Variants in SPART observed in about 807,000 individuals in gnomAD.
The protein encoded by SPART is spartin.
SPART carries 35 observed loss-of-function variants against 58.7 expected under a neutral mutation model. That is an observed-to-expected ratio of 0.60 (90% CI 0.46 to 0.79). The LOEUF (loss-of-function observed/expected upper bound fraction) is 0.79. SPART is among the 30% of genes least tolerant of loss of function. The probability of loss-of-function intolerance (pLI) is 0.00; values close to 1 mark genes in which losing one functional copy is unlikely to be tolerated. For missense variants in SPART, 730 were observed against 786.1 expected, an observed-to-expected ratio of 0.93 and a Z score of 0.85; for synonymous variants, 284 against 280.7, an observed-to-expected ratio of 1.01 and a Z score of -0.12.
upstream of SPART, among the ~76,000 whole-genome samples, chr13:36,351,310 G>GAA (rs35745992): frequency 3.3e-4 from 45 of 135,236 alleles, no homozygotes; most frequent in East Asian, 3.3e-3. Context: ...CTCTAATTTT[G>GAA]AAAAAAAAAA....
intron 5 of SPART, among the ~76,000 whole-genome samples, chr13:36,315,741 A>G (rs1881627879): frequency 6.6e-6 from 1 of 152,206 alleles, no homozygotes; most frequent in African/African-American, 2.4e-5. Context: ...AGATTAACTT[A>G]TAGGTTGAAA....
chr13:36,314,048 T>A, intron 6 of SPART, 179 bp downstream of exon 6: 1 of 637,062 alleles, frequency 1.6e-6, no homozygotes, highest in South Asian at 2.0e-5. Flanking sequence ...GGATTCCAGA[T>A]AGGACGATGT....
At chr13:36,330,314 C>G (rs917912648) in intron 3 of SPART, among the ~76,000 whole-genome samples, 1 of 152,178 alleles carries the variant, frequency 6.6e-6, no homozygotes, top group African/African-American at 2.4e-5. Flanking sequence ...AGGCTACACA[C>G]TTCTGTATGC....
intron 5 of SPART, among the ~76,000 whole-genome samples, chr13:36,322,277 T>C (rs1882490216): frequency 6.7e-6 from 1 of 148,360 alleles, no homozygotes. Context: ...TGAAACTTTG[T>C]GTTTACTAAA....
rs563603039 is a variant in SPART at position 36,331,253 on chromosome 13, G to C, written c.1008+146C>G. 18 of 745,436 alleles carry C rather than the reference G, an allele frequency of 2.4e-5. No individual in the cohort carries two copies. The African/African-American group carries it at 2.9e-4, about 12-fold the overall frequency. 46.2% of individuals were successfully genotyped at this position (745,436 alleles called of 1,614,324 possible). A position where few individuals can be genotyped will look rare whatever the true frequency, so the allele number is the denominator to read the frequency against. ...TAACCACTATTACAGCAAATTCCAA[G>C]CATGTAGTTGTGAACACACAAACAA... On this transcript the variant is annotated intron_variant, in intron 3 of 8. Transcript: ENST00000438666.
intron 2 of SPART, among the ~76,000 whole-genome samples, chr13:36,332,314 T>C (rs1290443397): frequency 6.6e-6 from 1 of 152,052 alleles, no homozygotes; most frequent in Non-Finnish European, 1.5e-5. Flanking sequence ...CTGGACAACA[T>C]GGTGAAACCC....
intron 1 of SPART, among the ~76,000 whole-genome samples, chr13:36,337,704 A>G (rs559903698): frequency 6.6e-6 from 1 of 152,290 alleles, no homozygotes; most frequent in South Asian, 2.1e-4. Flanking sequence ...ACGGACTAAT[A>G]CAGTAGCCAT....
Position 36,312,479 on chromosome 13 carries a change from TA to T in SPART, c.1484-3del. On this transcript the variant is annotated splice_polypyrimidine_tract_variant and splice_region_variant and intron_variant, in intron 6 of 8. Transcript: ENST00000438666. ...TTGCTACAGTGCAAACTCCATCAACTAATATGACCATAAAAAAAGAAAACTT... is the reference window on the plus strand; with the variant it reads ...TTGCTACAGTGCAAACTCCATCAACTATATGACCATAAAAAAAGAAAACTT... 1 of 1,614,008 alleles carries T rather than the reference TA, an allele frequency of 6.2e-7. No homozygotes were observed. Among genetic ancestry groups the T allele is most frequent in the East Asian group, 2.2e-5 (1 of 44,876 alleles).
chr13:36,365,401 T>C, intron 1 of SPART: 1 of 329,160 alleles, frequency 3.0e-6, no homozygotes, highest in Non-Finnish European at 5.8e-6. Flanking sequence ...AAAATTGGGA[T>C]ATGTTACTAT....
chr13:36,324,970 G>A (rs773802651), intron 5 of SPART, among the ~76,000 whole-genome samples: 2 of 152,120 alleles, frequency 1.3e-5, no homozygotes, highest in South Asian at 2.1e-4. Context: ...TTAAGGCAAG[G>A]ACCAGCCATT....
rs1421953827 is a variant in SPART, at chr13:36,314,253, C to T, written c.1457G>A (p.Gly486Glu). 6.2e-7 allele frequency: 1 copy of T among 1,614,046 alleles called. No individual in the cohort carries two copies. The highest frequency in any genetic ancestry group is 1.1e-5 in the South Asian group (1 of 91,072). The change falls in exon 6 of 9, where the codon GGA (glycine) becomes GAA (glutamate). Residue 486 changes from glycine (G) to glutamate (E), a missense_variant. By Grantham distance (98) the Gly-to-Glu change is moderately conservative. Transcript: ENST00000438666. Reference sequence around the variant, plus strand: ...CAGGAACTGACTGACTTTTGCTGCTCCTCCTGTAGCTTGCTTCGCTATATA... The same window carrying T: ...CAGGAACTGACTGACTTTTGCTGCTTCTCCTGTAGCTTGCTTCGCTATATA... The part of the protein sequence containing the change: ...GLYIAKQATG[G>E]AAKVSQFLVD...
At chr13:36,365,046 G>T (rs1303272657) in intron 1 of SPART, among the ~76,000 whole-genome samples, 1 of 152,142 alleles carries the variant, frequency 6.6e-6, no homozygotes, top group Non-Finnish European at 1.5e-5. Context: ...GACACTGGAG[G>T]TTGCATGATG....
rs367826621 is a variant in SPART at position 36,303,596 on chromosome 13, A to G, written c.*769T>C. 1.1e-4 allele frequency: 16 copies of G among 152,208 alleles called. No individual in the cohort carries two copies. Among genetic ancestry groups the G allele is most frequent in the Admixed American group, 3.3e-4 (5 of 15,268 alleles). 9.4% of individuals were successfully genotyped at this position (152,208 alleles called of 1,614,324 possible). A position where few individuals can be genotyped will look rare whatever the true frequency, so the allele number is the denominator to read the frequency against. On this transcript the variant is annotated 3_prime_UTR_variant, in exon 9 of 9. Transcript: ENST00000438666. ...TGGAAAAACAGAAGCAGATATGATAAAATAATTTCTTGAAGTACTTTTTTA... is the reference window on the plus strand; with the variant it reads ...TGGAAAAACAGAAGCAGATATGATAGAATAATTTCTTGAAGTACTTTTTTA...
chr13:36,306,172 G>A (rs1360531812), intron 8 of SPART, among the ~76,000 whole-genome samples: 1 of 152,152 alleles, frequency 6.6e-6, no homozygotes, highest in African/African-American at 2.4e-5. Flanking sequence ...CTTCTCACCA[G>A]TCAACAGACA....
chr13:36,368,334 A>G (rs1202588983), intron 1 of SPART: 1 of 282,230 alleles, frequency 3.5e-6, no homozygotes, highest in Admixed American at 4.9e-5. Flanking sequence ...AAGAAGGACC[A>G]TTAAAAAAGG....
Position 36,335,370 on chromosome 13 carries a change from G to A in SPART, c.461C>T (p.Ala154Val). 6.2e-7 allele frequency: 1 copy of A among 1,614,106 alleles called. No individual in the cohort carries two copies. Among genetic ancestry groups the A allele is most frequent in the Non-Finnish European group, 8.5e-7 (1 of 1,180,002 alleles). The change falls in exon 2 of 9, where the codon GCT (alanine) becomes GTT (valine). Residue 154 changes from alanine to valine, a missense_variant. By Grantham distance (64) the Ala-to-Val change is moderately conservative (BLOSUM62 0). Transcript: ENST00000438666. The stretch of plus-strand genomic sequence containing the variant: ...TGGTAAAGACAGAGAAGCAGGTGCA[G>A]CAACTGCCCCTGCACTTGGAGTTGA... ...NTSTPSAGAV[A>V]APASLSLPSQ...
intron 8 of SPART, among the ~76,000 whole-genome samples, chr13:36,305,197 G>C (rs745562340): frequency 6.6e-6 from 1 of 152,090 alleles, no homozygotes; most frequent in Non-Finnish European, 1.5e-5. Flanking sequence ...TAGGACCTTT[G>C]TACTGGCTGC....
At chr13:36,356,312 G>A (rs1032288735) in intron 1 of SPART, among the ~76,000 whole-genome samples, 1 of 152,212 alleles carries the variant, frequency 6.6e-6, no homozygotes, top group Admixed American at 6.5e-5. Flanking sequence ...CAGCCTGGAC[G>A]CTCTGCTGGA....
chr13:36,321,793 T>C, intron 5 of SPART, among the ~76,000 whole-genome samples: 1 of 152,194 alleles, frequency 6.6e-6, no homozygotes, highest in East Asian at 1.9e-4. Context: ...GACTTGCACA[T>C]ATACGCCCAG....
Sources: allele counts gnomAD v4.1 joint callset (sites outside exome capture counted in the v4.1 genomes callset), GRCh38; gene constraint gnomAD v4.1.1; transcripts MANE v1.5; gene names NCBI Gene and HGNC (gene_info 2026-07-23, HGNC 2026-07-21).